PPP4R3B: variants seen among roughly 807,000 people sequenced by gnomAD.
The protein encoded by PPP4R3B is protein phosphatase 4 regulatory subunit 3B, also known as serine/threonine-protein phosphatase 4 regulatory subunit 3B.
Under a neutral mutation model 95.4 loss-of-function variants are expected in PPP4R3B, and 52 were observed. The observed-to-expected ratio is 0.54, with a 90% CI of 0.44 to 0.69. PPP4R3B has a LOEUF of 0.69. PPP4R3B is among the 30% of genes least tolerant of loss of function. PPP4R3B has a pLI of 0.00. For missense variants in PPP4R3B, 1,003 were observed against 1,005.9 expected, an observed-to-expected ratio of 1.00 and a Z score of 0.04; for synonymous variants, 407 against 343.9, an observed-to-expected ratio of 1.18 and a Z score of -2.03.
chr2:55,574,803 C>T (rs1688435843), intron 11 of PPP4R3B, among the ~76,000 whole-genome samples: 1 of 151,614 alleles, frequency 6.6e-6, no homozygotes, highest in Non-Finnish European at 1.5e-5. Context: ...ACCGTGTTAG[C>T]CAGGATGGTC....
intron 2 of PPP4R3B, among the ~76,000 whole-genome samples, chr2:55,608,992 C>T (rs1693793427): frequency 6.6e-6 from 1 of 151,992 alleles, no homozygotes; most frequent in Admixed American, 6.6e-5. Context: ...GCCCTGCCTC[C>T]AAAAAAATTC....
chr2:55,570,078 C>T (rs941302709), intron 12 of PPP4R3B, among the ~76,000 whole-genome samples: 2 of 152,060 alleles, frequency 1.3e-5, no homozygotes, highest in South Asian at 2.1e-4. Flanking sequence ...GGTGAAACCC[C>T]GTCTTTACTA....
At chr2:55,609,847 T>C (rs1693931067) in intron 2 of PPP4R3B, among the ~76,000 whole-genome samples, 1 of 152,138 alleles carries the variant, frequency 6.6e-6, no homozygotes, top group African/African-American at 2.4e-5. Flanking sequence ...TGCTTACATA[T>C]GCATACCTCC....
Position 55,564,954 on chromosome 2 carries a change from A to G in PPP4R3B, c.2023T>C (p.Leu675=), listed in dbSNP as rs1687100274. The G allele has an allele frequency of 6.2e-7, 1 of 1,610,960 alleles. No individual in the cohort carries two copies. Among genetic ancestry groups the G allele is most frequent in the Non-Finnish European group, 8.5e-7 (1 of 1,178,918 alleles). ...TTTTCTTGCTCATATTTAGTCTTCA[A>G]TCCTTTGAATGTCTGAACATATTCA... ...SIEYVQTFKG[L]KTKYEQEKDR... is the part of the protein sequence containing the mutation. Residue 675 remains leucine (L), a synonymous_variant, in exon 14 of 17, where the codon TTG becomes CTG. Transcript: ENST00000616407.
At position 55,564,927 on chromosome 2, in the gene PPP4R3B, C is replaced by A; in HGVS notation, c.2050G>T (p.Asp684Tyr). ...CTGTTCAGTTTCTGATTTTGTCTGT[C>A]TTTTTCTTGCTCATATTTAGTCTTC... The part of the protein sequence containing the change: ...GLKTKYEQEK[D>Y]RQNQKLNSVP... The change falls in exon 14 of 17, where the codon GAC (aspartate) becomes TAC (tyrosine). Residue 684 changes from aspartate (D) to tyrosine (Y), a missense_variant. Transcript: ENST00000616407. 6.2e-7 allele frequency: 1 copy of A among 1,610,180 alleles called. No individual in the cohort carries two copies. Among genetic ancestry groups the A allele is most frequent in the East Asian group, 2.2e-5 (1 of 44,568 alleles).
chr2:55,578,398 G>C, intron 9 of PPP4R3B, 56 bp from the exon 10 acceptor site: 1 of 1,243,802 alleles, frequency 8.0e-7, no homozygotes, highest in Middle Eastern at 2.7e-4. Context: ...GTATATGAGT[G>C]TCTGTTATAT....
At chr2:55,565,905 AG>A (rs1687236594) in intron 13 of PPP4R3B, 1 of 152,256 alleles carries the variant, frequency 6.6e-6, no homozygotes, top group Non-Finnish European at 1.5e-5. Flanking sequence ...TAAGAAGCAA[AG>A]ACTTCTCTGA....
At chr2:55,564,231 T>C in intron 15 of PPP4R3B, 82 bp downstream of exon 15, 1 of 1,287,072 alleles carries the variant, frequency 7.8e-7, no homozygotes, top group Non-Finnish European at 1.0e-6. Context: ...TTGTAAACTA[T>C]AAACAAACCT....
chr2:55,586,263 G>A (rs895001362), intron 6 of PPP4R3B, among the ~76,000 whole-genome samples: 6 of 152,036 alleles, frequency 3.9e-5, no homozygotes, highest in Non-Finnish European at 5.9e-5. Context: ...AAAACTCTAA[G>A]AACCATGCCC....
chr2:55,568,421 C>T (rs56286204), intron 12 of PPP4R3B, 58 bp from the exon 13 acceptor site: 152,316 of 1,395,974 alleles, frequency 0.11, 9,065 homozygotes, highest in South Asian at 0.13. Context: ...AATTATTATA[C>T]AGGTGTTTTT....
rs1397654018 is a variant in PPP4R3B at position 55,602,804 on chromosome 2, A to G, written c.297+1174T>C. On this transcript the variant is annotated intron_variant, in intron 3 of 16. Coordinates refer to ENST00000616407, the MANE Select transcript of PPP4R3B (RefSeq NM_001122964.3). The stretch of plus-strand genomic sequence containing the variant: ...TTATTGGAATCTGTATCATTTTGCT[A>G]TAATAAACTGTAACTGTGAGTATAA... Among the ~76,000 whole-genome samples the G allele has an allele frequency of 2.4e-4, 36 of 152,294 alleles. 1 individual carries two copies. Among genetic ancestry groups the G allele is most frequent in the African/African-American group, 6.7e-4 (28 of 41,548 alleles).
In PPP4R3B at chr2:55,568,359, G is replaced by A. The variant is rs749435814; in HGVS notation, c.1770C>T (p.Ala590=). The A allele has an allele frequency of 3.1e-6, 5 of 1,589,688 alleles. No individual in the cohort carries two copies. In the Admixed American group the frequency reaches 7.4e-5, roughly 23 times the overall value. ...NSKHTFLALC[A]LRFMRRIIGL... The stretch of plus-strand genomic sequence containing the variant: ...CAATTATCCGCCTCATAAAGCGAAG[G>A]GCACCTAATTAAAAATAATATAGGG... The change falls in exon 13 of 17, where the codon GCC becomes GCT. Residue 590 remains alanine, a synonymous_variant. Coordinates refer to ENST00000616407, the MANE Select transcript of PPP4R3B (RefSeq NM_001122964.3).
chr2:55,553,457 T>G (rs1420335289), intron 16 of PPP4R3B, among the ~76,000 whole-genome samples: 2 of 152,202 alleles, frequency 1.3e-5, no homozygotes, highest in Admixed American at 6.5e-5. Context: ...TTAAAGTGTA[T>G]AATTTTCACA....
chr2:55,588,929 A>G lies in PPP4R3B; in HGVS notation c.949T>C (p.Phe317Leu), dbSNP rs748194846. The G allele has an allele frequency of 1.2e-6, 2 of 1,609,748 alleles. No homozygotes were observed. Among genetic ancestry groups the G allele is most frequent in the East Asian group, 2.2e-5 (1 of 44,762 alleles). ...QEDEKFLSEV[F>L]AQLTDEATDD... Reference sequence around the variant, plus strand: ...GTAGCCTCATCTGTTAATTGTGCAAAAACTTCAGACAAAAACTTCTCATCT... The same window carrying G: ...GTAGCCTCATCTGTTAATTGTGCAAGAACTTCAGACAAAAACTTCTCATCT... Residue 317 changes from phenylalanine to leucine, a missense_variant, in exon 5 of 17, where the codon TTT becomes CTT. Physicochemically the swap from Phe to Leu is conservative, Grantham distance 22. Coordinates refer to ENST00000616407, the MANE Select transcript of PPP4R3B (RefSeq NM_001122964.3).
chr2:55,612,488 G>A (rs1309646049), intron 2 of PPP4R3B, among the ~76,000 whole-genome samples: 5 of 151,982 alleles, frequency 3.3e-5, no homozygotes, highest in Non-Finnish European at 4.4e-5. Flanking sequence ...AGGTGCTGAA[G>A]CAAAAGGATC....
Position 55,549,825 on chromosome 2 carries a change from G to A in PPP4R3B, c.*86C>T. On this transcript the variant is annotated 3_prime_UTR_variant, in exon 17 of 17. Coordinates refer to ENST00000616407, the MANE Select transcript of PPP4R3B (RefSeq NM_001122964.3). ...CCTTGTATATTTTATAAGTTCAATTGAGAAAGCTTTCTGATTCAGATTTTC... is the reference window on the plus strand; with the variant it reads ...CCTTGTATATTTTATAAGTTCAATTAAGAAAGCTTTCTGATTCAGATTTTC... 9.9e-7 allele frequency: 1 copy of A among 1,012,634 alleles called. No individual in the cohort carries two copies. The highest frequency in any genetic ancestry group is 2.4e-5 in the East Asian group (1 of 41,540). The allele number at this position is 1,012,634 out of a possible 1,614,324, so 62.7% of individuals were successfully genotyped here. A position where few individuals can be genotyped will look rare whatever the true frequency, so the allele number is the denominator to read the frequency against.
chr2:55,589,223 G>A (rs1690613184), intron 4 of PPP4R3B, among the ~76,000 whole-genome samples: 1 of 152,178 alleles, frequency 6.6e-6, no homozygotes, highest in South Asian at 2.1e-4. Context: ...TTCTAGAGGT[G>A]TTACGTGAAA....
intron 12 of PPP4R3B, among the ~76,000 whole-genome samples, chr2:55,568,627 A>T (rs1489668078): frequency 1.3e-5 from 2 of 152,222 alleles, no homozygotes; most frequent in Non-Finnish European, 2.9e-5. Flanking sequence ...CAACAAAAAC[A>T]GTAATTGGAA....
At chr2:55,567,062 C>G (rs1207840037) in intron 13 of PPP4R3B, among the ~76,000 whole-genome samples, 1 of 152,160 alleles carries the variant, frequency 6.6e-6, no homozygotes, top group Non-Finnish European at 1.5e-5. Context: ...GTGGCCATTT[C>G]CTCAGTGGAA....
Sources: allele counts gnomAD v4.1 joint callset (sites outside exome capture counted in the v4.1 genomes callset), GRCh38; gene constraint gnomAD v4.1.1; transcripts MANE v1.5; gene names NCBI Gene and HGNC (gene_info 2026-07-23, HGNC 2026-07-21).